Variants in ESRRG observed in about 807,000 individuals in gnomAD.
The protein encoded by ESRRG is estrogen-related receptor gamma.
Under a neutral mutation model 44.0 loss-of-function variants are expected in ESRRG, and 13 were observed. The ratio of observed to expected loss-of-function variants is 0.30; its 90% CI spans 0.19 to 0.47. The LOEUF is 0.47. Among genes scored for constraint, ESRRG ranks in the 20% least tolerant of loss-of-function variants. ESRRG has a pLI of 1.00. For missense variants in ESRRG, 395 were observed against 580.6 expected (o/e 0.68, Z 3.29); for synonymous variants, 215 against 214.6 (o/e 1.00, Z -0.02).
chr1:216,874,556 CA>C (rs2096316186), intron 2 of ESRRG, among the ~76,000 whole-genome samples: 1 of 152,196 alleles, frequency 6.6e-6, no homozygotes, highest in Non-Finnish European at 1.5e-5. Context: ...CATACAGAGG[CA>C]ATCAGTAACT....
rs376058358 is a variant in ESRRG, at chr1:216,549,568, T to G, written c.862+14651A>C. ...AGTCCATCCATACAATTATATTTAT[T>G]ATCCTTTGAATTATAACATCTTATA... On this transcript the variant is annotated intron_variant, in intron 5 of 6. Transcript: ENST00000408911. Among the ~76,000 whole-genome samples, 3 of 152,200 alleles carry G rather than the reference T, an allele frequency of 2.0e-5. No individual in the cohort carries two copies. In the East Asian group the frequency reaches 5.8e-4, roughly 30 times the overall value.
At chr1:216,649,332 T>C (rs913145220) in intron 3 of ESRRG, among the ~76,000 whole-genome samples, 1 of 152,068 alleles carries the variant, frequency 6.6e-6, no homozygotes, top group Non-Finnish European at 1.5e-5. Context: ...CCAAAGGCTA[T>C]ACCATAAAAA....
intron 1 of ESRRG, among the ~76,000 whole-genome samples, chr1:216,964,985 G>T (rs541275012): frequency 1.7e-4 from 26 of 152,232 alleles, no homozygotes; most frequent in South Asian, 4.1e-4. Context: ...ACAGACATTT[G>T]CACTAATCAC....
At chr1:216,564,933 C>T (rs1256036731) in intron 4 of ESRRG, among the ~76,000 whole-genome samples, 3 of 152,056 alleles carry the variant, frequency 2.0e-5, no homozygotes, top group Non-Finnish European at 4.4e-5. Context: ...ACTCTATCTC[C>T]GTGGGATGCA....
At chr1:216,576,137 C>T (rs1208164884) in intron 3 of ESRRG, among the ~76,000 whole-genome samples, 1 of 152,046 alleles carries the variant, frequency 6.6e-6, no homozygotes, top group African/African-American at 2.4e-5. Context: ...TTGAATTTTA[C>T]AGTTCAGGAG....
At chr1:216,792,277 T>C (rs17043849) in intron 2 of ESRRG, among the ~76,000 whole-genome samples, 15,117 of 152,182 alleles carry the variant, frequency 0.099, 1,021 homozygotes, top group East Asian at 0.2. Context: ...TCTCCAGACC[T>C]AGTCCTGTAT....
At chr1:216,774,495 T>C (rs72739417) in intron 2 of ESRRG, among the ~76,000 whole-genome samples, 16,512 of 152,154 alleles carry the variant, frequency 0.11, 1,216 homozygotes, top group Non-Finnish European at 0.17. Flanking sequence ...TACTCTCTCA[T>C]ATTATCAATG....
At chr1:216,563,979 A>G (rs980396387) in intron 5 of ESRRG, among the ~76,000 whole-genome samples, 2 of 152,228 alleles carry the variant, frequency 1.3e-5, no homozygotes, top group Non-Finnish European at 2.9e-5. Flanking sequence ...GTTAGCTTAC[A>G]CTGGCAGTAG....
intron 3 of ESRRG, among the ~76,000 whole-genome samples, chr1:216,637,013 G>A (rs1212347797): frequency 1.3e-5 from 2 of 152,186 alleles, no homozygotes; most frequent in Non-Finnish European, 2.9e-5. Flanking sequence ...GGGGAGACCT[G>A]CAGACATATA....
At chr1:216,907,867 T>C (rs1413865385) in intron 2 of ESRRG, among the ~76,000 whole-genome samples, 3 of 152,174 alleles carry the variant, frequency 2.0e-5, no homozygotes, top group East Asian at 1.9e-4. Flanking sequence ...GAGATCACCC[T>C]TTCTGAGTCC....
chr1:216,645,823 G>C (rs918794699), intron 3 of ESRRG, among the ~76,000 whole-genome samples: 1 of 130,266 alleles, frequency 7.7e-6, no homozygotes, highest in African/African-American at 2.9e-5. Flanking sequence ...AGTGAGCCAA[G>C]ATCATGCCAC....
At chr1:216,586,783 G>T (rs2063894077) in intron 3 of ESRRG, among the ~76,000 whole-genome samples, 2 of 151,952 alleles carry the variant, frequency 1.3e-5, no homozygotes, top group East Asian at 3.9e-4. Context: ...CACCATGTTG[G>T]TCAGGCTGGT....
intron 5 of ESRRG, among the ~76,000 whole-genome samples, chr1:216,550,663 T>C (rs1006753634): frequency 6.6e-5 from 10 of 152,110 alleles, no homozygotes; most frequent in Non-Finnish European, 2.9e-5. Context: ...CGGCAGGAGA[T>C]GTAACACAAC....
At chr1:216,692,312 ATGTGTGTGTGTGTGTGTGTG>A (rs56856888) in intron 1 of ESRRG, among the ~76,000 whole-genome samples, 57 of 147,698 alleles carry the variant, frequency 3.9e-4, no homozygotes, top group African/African-American at 1.4e-3. Flanking sequence ...AGGCTAGTGT[ATGTGTGTGTGTGTGTGTGTG>A]TGTGTGTGTG....
intron 2 of ESRRG, among the ~76,000 whole-genome samples, chr1:216,774,391 G>A (rs114827054): frequency 2.2e-3 from 337 of 152,228 alleles, no homozygotes; most frequent in African/African-American, 7.6e-3. Context: ...GTTCCATTAC[G>A]CAGTGCGGTG....
intron 2 of ESRRG, among the ~76,000 whole-genome samples, chr1:216,778,384 A>T (rs2093691135): frequency 6.6e-6 from 1 of 151,836 alleles, no homozygotes; most frequent in African/African-American, 2.4e-5. Context: ...CTGGGGAGGG[A>T]CTCAACTGTG....
chr1:216,990,971 C>T (rs1304921406), intron 1 of ESRRG, among the ~76,000 whole-genome samples: 1 of 152,058 alleles, frequency 6.6e-6, no homozygotes, highest in African/African-American at 2.4e-5. Context: ...ACATCCATGG[C>T]CTGTTAGGAA....
In ESRRG at chr1:217,072,265, T is replaced by C. The variant is rs962250487; in HGVS notation, c.-106+17242A>G. ...CATCGTATTATTATATATTGATCAC[T>C]CTATGCCAGGGATGTGGTGATTCTT... On this transcript the variant is annotated intron_variant, in intron 1 of 7. Transcript: ENST00000359162. Among the ~76,000 whole-genome samples, 4 of 152,300 alleles carry C rather than the reference T, an allele frequency of 2.6e-5. No individual in the cohort carries two copies. In the South Asian group the frequency reaches 8.3e-4, roughly 32 times the overall value.
At chr1:216,771,639 T>C (rs776208639) in intron 2 of ESRRG, among the ~76,000 whole-genome samples, 9 of 152,112 alleles carry the variant, frequency 5.9e-5, no homozygotes, top group Non-Finnish European at 1.3e-4. Context: ...ATTTAAAAGC[T>C]TCCTTATGTA....
Sources: allele counts gnomAD v4.1 joint callset (sites outside exome capture counted in the v4.1 genomes callset), GRCh38; gene constraint gnomAD v4.1.1; transcripts MANE v1.5; gene names NCBI Gene and HGNC (gene_info 2026-07-23, HGNC 2026-07-21).